The following FAM151B variants were observed in gnomAD, a reference collection of about 807,000 sequenced individuals.
The protein encoded by FAM151B is family with sequence similarity 151 member B, also known as protein FAM151B.
Under a neutral mutation model 31.2 loss-of-function variants are expected in FAM151B, and 24 were observed. The observed-to-expected ratio is 0.77, with a 90% CI of 0.56 to 1.08. FAM151B has a LOEUF of 1.08. Ranked by LOEUF, FAM151B falls within the 50% of genes least tolerant of loss-of-function variation. The pLI, the probability that FAM151B is intolerant of heterozygous loss-of-function variation, is 0.00. For synonymous variants in FAM151B, 105 were observed against 111.4 expected, an observed-to-expected ratio of 0.94 and a Z score of 0.36; for missense variants, 293 against 328.6, an observed-to-expected ratio of 0.89 and a Z score of 0.84.
At chr5:80,504,754 C>A (rs1054620916) in intron 2 of FAM151B, among the ~76,000 whole-genome samples, 2 of 152,002 alleles carry the variant, frequency 1.3e-5, no homozygotes, top group Non-Finnish European at 2.9e-5. Flanking sequence ...TCCTGATCTC[C>A]TGATCTGCCC....
intron 2 of FAM151B, among the ~76,000 whole-genome samples, chr5:80,507,743 A>G (rs1410262385): frequency 6.6e-6 from 1 of 152,180 alleles, no homozygotes; most frequent in Non-Finnish European, 1.5e-5. Flanking sequence ...GGCATCTTCA[A>G]ACTACTTCAA....
At chr5:80,491,050 C>A (rs6893413) in intron 1 of FAM151B, among the ~76,000 whole-genome samples, 1 of 151,724 alleles carries the variant, frequency 6.6e-6, no homozygotes, top group South Asian at 2.1e-4. Context: ...TGCATATTTG[C>A]GAGGTACAAT....
intron 5 of FAM151B, among the ~76,000 whole-genome samples, chr5:80,522,818 A>ACC (rs1744782054): frequency 6.6e-6 from 1 of 152,224 alleles, no homozygotes; most frequent in African/African-American, 2.4e-5. Flanking sequence ...GGTATGTAAT[A>ACC]AAAATTAGTT....
chr5:80,498,004 G>C (rs145746748), intron 1 of FAM151B, among the ~76,000 whole-genome samples: 11 of 152,212 alleles, frequency 7.2e-5, no homozygotes, highest in African/African-American at 2.6e-4. Context: ...CAACATTTAG[G>C]TTTTTCTGGT....
At chr5:80,494,472 C>CTTTCTTTCTTTCTTTCTTTCTTTA (rs1743447700) in intron 1 of FAM151B, among the ~76,000 whole-genome samples, 1 of 87,592 alleles carries the variant, frequency 1.1e-5, no homozygotes, top group African/African-American at 3.9e-5. Context: ...TTCTTTCTTT[C>CTTTCTTTCTTTCTTTCTTTCTTTA]TTTCTTTCTT....
chr5:80,535,373 A>T (rs1744841361), intron 5 of FAM151B, among the ~76,000 whole-genome samples: 1 of 152,180 alleles, frequency 6.6e-6, no homozygotes, highest in Admixed American at 6.5e-5. Context: ...TAGTAACCAA[A>T]ACTGCATTGT....
Position 80,512,814 on chromosome 5 carries a change from A to C in FAM151B, c.152-790A>C, listed in dbSNP as rs1580429965. Among the ~76,000 whole-genome samples, 3 of 152,044 alleles carry C rather than the reference A, an allele frequency of 2.0e-5. No homozygotes were observed. In the East Asian group the frequency reaches 5.8e-4, roughly 29 times the overall value. On this transcript the variant is annotated intron_variant, in intron 2 of 5. Coordinates refer to ENST00000282226, the MANE Select transcript of FAM151B (RefSeq NM_205548.3). ...AAAAAAAGAAATTTAAAAAAATGTAAGTAAATGCATTTTAAAGAATTTTTA... is the reference window on the plus strand; with the variant it reads ...AAAAAAAGAAATTTAAAAAAATGTACGTAAATGCATTTTAAAGAATTTTTA...
intron 2 of FAM151B, among the ~76,000 whole-genome samples, chr5:80,513,197 A>G (rs1238794374): frequency 6.6e-6 from 1 of 152,244 alleles, no homozygotes; most frequent in Non-Finnish European, 1.5e-5. Context: ...TTTTTAATGT[A>G]GATTTTCAAA....
At chr5:80,541,587 T>A in intron 5 of FAM151B, 86 bp from the exon 6 acceptor site, 1 of 1,275,892 alleles carries the variant, frequency 7.8e-7, no homozygotes. Flanking sequence ...GAGTTAGAGA[T>A]AAATGAAAGC....
At chr5:80,500,896 CTGAT>C in intron 1 of FAM151B, 1 of 799,842 alleles carries the variant, frequency 1.3e-6, no homozygotes, top group Non-Finnish European at 2.2e-6. Context: ...CATGGAGGAT[CTGAT>C]TCATGAGATC....
At chr5:80,502,052 A>G in intron 2 of FAM151B, 135 bp downstream of exon 2, 1 of 373,888 alleles carries the variant, frequency 2.7e-6, no homozygotes, top group Non-Finnish European at 4.5e-6. Flanking sequence ...TGAGTATTTT[A>G]TTTATTTTTA....
intron 5 of FAM151B, among the ~76,000 whole-genome samples, chr5:80,539,466 TTTTTG>T (rs1296853172): frequency 4.6e-5 from 7 of 152,244 alleles, no homozygotes; most frequent in East Asian, 3.9e-4. Context: ...GTTTTTTTAC[TTTTTG>T]TTTTGTTTTG....
At chr5:80,526,626 A>T (rs187936382) in intron 5 of FAM151B, among the ~76,000 whole-genome samples, 1 of 152,120 alleles carries the variant, frequency 6.6e-6, no homozygotes, top group South Asian at 2.1e-4. Context: ...TCTAAAAAAA[A>T]ATAGTCTTTC....
intron 1 of FAM151B, chr5:80,498,667 C>T (rs944504900): frequency 1.4e-5 from 9 of 663,266 alleles, no homozygotes; most frequent in Admixed American, 3.7e-5. Context: ...TTGCCATTCT[C>T]TTCCACCTTA....
chr5:80,524,830 AT>A lies in FAM151B; in HGVS notation c.671+2699del, dbSNP rs545009204. On this transcript the variant is annotated intron_variant, in intron 5 of 5. Transcript: ENST00000282226. ...AGGTGTTTTAATTTTGTTCCTAATA[AT>A]TTTTTTATTATCTAATGTTTGTGAG... is the stretch of plus-strand genomic sequence containing the variant. 6.0e-4 allele frequency among the ~76,000 whole-genome samples: 91 copies of A among 152,184 alleles called. No homozygotes were observed. The South Asian group carries it at 8.9e-3, about 15-fold the overall frequency.
chr5:80,523,270 A>T (rs971348659), intron 5 of FAM151B, among the ~76,000 whole-genome samples: 1 of 152,190 alleles, frequency 6.6e-6, no homozygotes, highest in African/African-American at 2.4e-5. Context: ...AAGACCCCCA[A>T]TGTGTATGTC....
intron 5 of FAM151B, among the ~76,000 whole-genome samples, chr5:80,526,164 T>C (rs1221630770): frequency 6.6e-6 from 1 of 152,066 alleles, no homozygotes; most frequent in Non-Finnish European, 1.5e-5. Context: ...TTTCAAATCC[T>C]GTGAATGCTC....
At chr5:80,500,113 C>A (rs1006956802) in intron 1 of FAM151B, 6 of 298,942 alleles carry the variant, frequency 2.0e-5, no homozygotes, top group African/African-American at 1.1e-4. Flanking sequence ...ATGGATGAGC[C>A]CGGAGGACAT....
At chr5:80,500,463 C>A in intron 1 of FAM151B, 1 of 874,168 alleles carries the variant, frequency 1.1e-6, no homozygotes. Context: ...CTTTGAAAGG[C>A]AAGGAGGAAG....
Sources: gnomAD v4.1 joint callset for allele counts (sites outside exome capture counted in the v4.1 genomes callset) on GRCh38, gnomAD v4.1.1 for gene constraint, MANE v1.5 for transcripts, NCBI Gene and HGNC (gene_info 2026-07-23, HGNC 2026-07-21) for gene names.